Variants in CREB5 observed in about 807,000 individuals in gnomAD.
CREB5 encodes cyclic AMP-responsive element-binding protein 5.
In CREB5, 19 loss-of-function variants were observed where a neutral mutation model predicts 57.1. That is an observed-to-expected ratio of 0.33 (90% confidence interval 0.23 to 0.49). The LOEUF (loss-of-function observed/expected upper bound fraction) is 0.49, where lower values mean the gene tolerates loss of function less well. Ranked by LOEUF, CREB5 falls within the 20% of genes least tolerant of loss-of-function variation. The pLI is 0.99. For missense variants in CREB5, 579 were observed against 671.6 expected (o/e 0.86, Z 1.52); for synonymous variants, 238 against 238.3 (o/e 1.00, Z 0.01).
intron 3 of CREB5, among the ~76,000 whole-genome samples, chr7:28,500,476 T>A (rs1792232265): frequency 6.6e-6 from 1 of 152,174 alleles, no homozygotes; most frequent in African/African-American, 2.4e-5. Context: ...CACTCACCAT[T>A]TGATAGAAAG....
At chr7:28,367,950 G>A (rs1233577688) in intron 1 of CREB5, among the ~76,000 whole-genome samples, 1 of 152,142 alleles carries the variant, frequency 6.6e-6, no homozygotes, top group East Asian at 1.9e-4. Flanking sequence ...TTGCCTGGAG[G>A]ACTTGATGCT....
In CREB5 at chr7:28,560,877, T is replaced by TGCGTGC. The variant is rs1562797421; in HGVS notation, c.292-9486_292-9481dup. ...GTGTGTGCGTGTGCCTGCGTGCGCG[T>TGCGTGC]GCGTGCGTGCGTGTGTGTGCGTGCG... is the stretch of plus-strand genomic sequence containing the variant. On this transcript the variant is annotated intron_variant, in intron 4 of 10. Transcript: ENST00000357727. Among the ~76,000 whole-genome samples, 71 of 30,854 alleles carry TGCGTGC rather than the reference T, an allele frequency of 2.3e-3. 5 individuals are homozygous for TGCGTGC. The highest frequency in any genetic ancestry group is 0.015 in the Middle Eastern group (1 of 66). The allele number at this position is 30,854 out of a possible 152,430, so 20.2% of individuals were successfully genotyped here. A position where few individuals can be genotyped will look rare whatever the true frequency, so the allele number is the denominator to read the frequency against.
At chr7:28,638,712 T>C (rs1798526614) in intron 5 of CREB5, among the ~76,000 whole-genome samples, 1 of 152,204 alleles carries the variant, frequency 6.6e-6, no homozygotes, top group South Asian at 2.1e-4. Context: ...TTATAACTTC[T>C]GCAGTTAATA....
chr7:28,600,671 T>C (rs1562521036), intron 5 of CREB5, among the ~76,000 whole-genome samples: 1 of 152,210 alleles, frequency 6.6e-6, no homozygotes, highest in African/African-American at 2.4e-5. Context: ...ATTTATATTC[T>C]ATTACAAATA....
At chr7:28,489,664 G>A (rs921270694) in intron 2 of CREB5, among the ~76,000 whole-genome samples, 2 of 152,218 alleles carry the variant, frequency 1.3e-5, no homozygotes, top group African/African-American at 4.8e-5. Flanking sequence ...TTGGAAGGAA[G>A]AGGCCATAGA....
intron 5 of CREB5, among the ~76,000 whole-genome samples, chr7:28,602,292 A>G (rs1796948540): frequency 6.6e-6 from 1 of 152,104 alleles, no homozygotes. Context: ...ACACCCGGCT[A>G]ATTTTTGTAC....
intron 1 of CREB5, among the ~76,000 whole-genome samples, chr7:28,431,100 G>T (rs1323207450): frequency 6.6e-6 from 1 of 152,198 alleles, no homozygotes; most frequent in Non-Finnish European, 1.5e-5. Context: ...GCAAGCAAGG[G>T]CTCCAAGGAG....
intron 1 of CREB5, among the ~76,000 whole-genome samples, chr7:28,448,132 G>A (rs565590790): frequency 3.3e-5 from 5 of 152,156 alleles, no homozygotes; most frequent in South Asian, 2.1e-4. Context: ...AACGTGAAAA[G>A]GAGAGACTGG....
At chr7:28,733,462 C>A (rs1368104175) in intron 7 of CREB5, among the ~76,000 whole-genome samples, 1 of 152,196 alleles carries the variant, frequency 6.6e-6, no homozygotes, top group Non-Finnish European at 1.5e-5. Context: ...CTGAGGGCTT[C>A]TTGCTGCCTC....
At chr7:28,799,960 ATTCATTCC>A (rs1361694484) in intron 7 of CREB5, among the ~76,000 whole-genome samples, 1 of 152,208 alleles carries the variant, frequency 6.6e-6, no homozygotes, top group Non-Finnish European at 1.5e-5. Flanking sequence ...AGTTTAATTC[ATTCATTCC>A]TTCATTCATT....
chr7:28,675,619 A>T (rs1800281961), intron 5 of CREB5, among the ~76,000 whole-genome samples: 1 of 152,214 alleles, frequency 6.6e-6, no homozygotes, highest in Admixed American at 6.5e-5. Flanking sequence ...GGGATCAAGT[A>T]ACACCAAATA....
intron 1 of CREB5, among the ~76,000 whole-genome samples, chr7:28,368,937 T>A (rs1280160199): frequency 6.6e-6 from 1 of 152,104 alleles, no homozygotes; most frequent in African/African-American, 2.4e-5. Context: ...TCCCAGCTAC[T>A]TGGAAGGCTG....
chr7:28,396,656 A>G (rs1787342163), intron 1 of CREB5, among the ~76,000 whole-genome samples: 1 of 152,158 alleles, frequency 6.6e-6, no homozygotes, highest in Admixed American at 6.5e-5. Flanking sequence ...TTTTTCTATA[A>G]GTTTCCTGTG....
chr7:28,672,199 A>ACACC (rs1193465343), intron 5 of CREB5, among the ~76,000 whole-genome samples: 1 of 151,778 alleles, frequency 6.6e-6, no homozygotes, highest in East Asian at 1.9e-4. Context: ...ACACACACAC[A>ACACC]CACACACACA....
chr7:28,799,068 C>G (rs1254126181), intron 7 of CREB5, among the ~76,000 whole-genome samples: 1 of 152,208 alleles, frequency 6.6e-6, no homozygotes, highest in Non-Finnish European at 1.5e-5. Flanking sequence ...GCACCAGGAT[C>G]CAGGGACGCA....
At chr7:28,717,678 T>C (rs1802777246) in intron 5 of CREB5, among the ~76,000 whole-genome samples, 1 of 152,208 alleles carries the variant, frequency 6.6e-6, no homozygotes, top group African/African-American at 2.4e-5. Context: ...TCCCTCGTTC[T>C]CTCTCTCTTA....
chr7:28,682,688 G>GT (rs1263498792), intron 5 of CREB5, among the ~76,000 whole-genome samples: 3 of 148,624 alleles, frequency 2.0e-5, no homozygotes, highest in African/African-American at 7.5e-5. Context: ...AAAGTGGGGG[G>GT]GGGGGGAAAC....
chr7:28,635,581 C>T (rs1336090143), intron 5 of CREB5, among the ~76,000 whole-genome samples: 1 of 152,206 alleles, frequency 6.6e-6, no homozygotes, highest in Non-Finnish European at 1.5e-5. Context: ...TCAAAAGATG[C>T]TAGTCATTTT....
chr7:28,639,063 C>T (rs1798541987), intron 5 of CREB5, among the ~76,000 whole-genome samples: 1 of 152,020 alleles, frequency 6.6e-6, no homozygotes, highest in Non-Finnish European at 1.5e-5. Flanking sequence ...CATACCTGGC[C>T]CAGTTGTTCC....
Sources: allele counts gnomAD v4.1 joint callset (sites outside exome capture counted in the v4.1 genomes callset), GRCh38; gene constraint gnomAD v4.1.1; transcripts MANE v1.5; gene names NCBI Gene and HGNC (gene_info 2026-07-23, HGNC 2026-07-21).